BECN1: variants seen among roughly 807,000 people sequenced by gnomAD.
The protein encoded by BECN1 is beclin 1, also known as beclin-1.
In BECN1, 15 loss-of-function variants were observed where a neutral mutation model predicts 60.1. That is an observed-to-expected ratio of 0.25 (90% CI 0.17 to 0.38). The LOEUF is 0.38. Among genes scored for constraint, BECN1 ranks in the 10% least tolerant of loss-of-function variants. The probability of loss-of-function intolerance (pLI) is 1.00; values close to 1 mark genes in which losing one functional copy is unlikely to be tolerated. For missense variants in BECN1, 424 were observed against 548.2 expected (o/e 0.77, Z 2.26); for synonymous variants, 179 against 201.8 (o/e 0.89, Z 0.96).
chr17:42,813,967 G>A lies in BECN1; in HGVS notation c.1022C>T (p.Ser341Phe). The change falls in exon 10 of 12, where the codon TCT becomes TTT. Residue 341 changes from serine to phenylalanine, a missense_variant. Ser to Phe is a radical substitution (Grantham distance 155, BLOSUM62 -2). Coordinates refer to ENST00000590099, the MANE Select transcript of BECN1 (RefSeq NM_001313998.2). ...VPYGNHSYLE[S>F]LTDKSKELPL... The stretch of plus-strand genomic sequence containing the variant: ...GAGTACCTTAGATTTGTCTGTCAGA[G>A]ACTCCAGATATGAATGGTTTCCGTA... 1 of 1,604,352 alleles carries A rather than the reference G, an allele frequency of 6.2e-7. No homozygotes were observed. The highest frequency in any genetic ancestry group is 8.5e-7 in the Non-Finnish European group (1 of 1,173,384).
intron 9 of BECN1, 185 bp downstream of exon 9, chr17:42,814,339 A>T: frequency 1.4e-6 from 1 of 724,156 alleles, no homozygotes; most frequent in Non-Finnish European, 2.2e-6. Flanking sequence ...CAACTCAGTG[A>T]CTGTGTGATC....
At chr17:42,814,157 T>A in intron 9 of BECN1, 149 bp from the exon 10 acceptor site, 1 of 560,452 alleles carries the variant, frequency 1.8e-6, no homozygotes, top group Non-Finnish European at 3.1e-6. Context: ...ATTGAATCCA[T>A]GTTTAAAAGA....
At chr17:42,811,494 C>T in intron 11 of BECN1, 161 bp downstream of exon 11, 3 of 850,108 alleles carry the variant, frequency 3.5e-6, no homozygotes, top group Non-Finnish European at 5.3e-6. Context: ...TTCTGTCCTG[C>T]TTGCAGTACT....
rs760238747 is a variant in BECN1, at chr17:42,811,804, A to G, written c.1042-7T>C. Reference sequence around the variant, plus strand: ...AACAGTATAACGGCAGCTCCTGCCCAAGAAGAGAAAACTGGCTATGGATCT... The same window carrying G: ...AACAGTATAACGGCAGCTCCTGCCCGAGAAGAGAAAACTGGCTATGGATCT... On this transcript the variant is annotated splice_polypyrimidine_tract_variant and splice_region_variant and intron_variant, in intron 10 of 11. Transcript: ENST00000590099. 6.2e-6 allele frequency: 10 copies of G among 1,606,750 alleles called. No individual in the cohort carries two copies. Among genetic ancestry groups the G allele is most frequent in the East Asian group, 4.5e-5 (2 of 44,804 alleles).
chr17:42,823,382 G>C (rs2055312365), intron 2 of BECN1, among the ~76,000 whole-genome samples: 1 of 152,102 alleles, frequency 6.6e-6, no homozygotes, highest in African/African-American at 2.4e-5. Flanking sequence ...AACCTCCCGA[G>C]TAGCTGGGAC....
intron 3 of BECN1, 54 bp from the exon 4 acceptor site, chr17:42,819,663 A>G (rs2055221173): frequency 6.4e-7 from 1 of 1,565,796 alleles, no homozygotes; most frequent in Non-Finnish European, 8.8e-7. Flanking sequence ...GGTAGAGTTC[A>G]TCTCCCAAAC....
At chr17:42,823,996 T>C (rs1219973873) in intron 1 of BECN1, 117 bp from the exon 2 acceptor site, 2 of 1,329,102 alleles carry the variant, frequency 1.5e-6, no homozygotes, top group Non-Finnish European at 2.0e-6. Context: ...ACCTGCGCCG[T>C]TCCCTCTAGG....
intron 8 of BECN1, chr17:42,815,091 C>T (rs560949241): frequency 7.9e-5 from 14 of 177,482 alleles, no homozygotes; most frequent in African/African-American, 3.4e-4. Context: ...TTCACGAATA[C>T]AAGTGTAATT....
chr17:42,816,078 T>C (rs200371540), intron 7 of BECN1, 24 bp from the exon 8 acceptor site: 1 of 1,552,408 alleles, frequency 6.4e-7, no homozygotes, highest in African/African-American at 1.4e-5. Flanking sequence ...AGGGGGCCAT[T>C]GAAGGCTGTT....
chr17:42,819,713 G>T, intron 3 of BECN1, 104 bp from the exon 4 acceptor site: 1 of 1,168,942 alleles, frequency 8.6e-7, no homozygotes, highest in Non-Finnish European at 1.2e-6. Context: ...ATAACCACAA[G>T]ACTTGATAAA....
At chr17:42,823,978 A>T in intron 1 of BECN1, 99 bp from the exon 2 acceptor site, 4 of 1,449,318 alleles carry the variant, frequency 2.8e-6, no homozygotes, top group Non-Finnish European at 3.7e-6. Context: ...AAAGGGAGGG[A>T]AGTCCCAACC....
intron 11 of BECN1, 117 bp from the exon 12 acceptor site, chr17:42,811,045 G>T: frequency 9.1e-7 from 1 of 1,102,606 alleles, no homozygotes; most frequent in East Asian, 2.6e-5. Flanking sequence ...AACACTTGGT[G>T]AGGAATGATA....
At chr17:42,814,725 T>A (rs1567669647) in intron 8 of BECN1, 52 bp from the exon 9 acceptor site, 1 of 1,607,020 alleles carries the variant, frequency 6.2e-7, no homozygotes, top group Admixed American at 1.7e-5. Context: ...ACTTAAAAAG[T>A]TTGACATTTC....
Position 42,818,533 on chromosome 17 carries a change from G to C in BECN1, c.488+11C>G. On this transcript the variant is annotated intron_variant, in intron 6 of 11. Transcript: ENST00000590099. ...GTAACAGCTCTGAGCCCTGGCTCTGGAGACACTCACTTGTAGTTCTGACAC... is the reference window on the plus strand; with the variant it reads ...GTAACAGCTCTGAGCCCTGGCTCTGCAGACACTCACTTGTAGTTCTGACAC... 1 of 1,614,088 alleles carries C rather than the reference G, an allele frequency of 6.2e-7. No individual in the cohort carries two copies. Among genetic ancestry groups the C allele is most frequent in the Non-Finnish European group, 8.5e-7 (1 of 1,179,970 alleles).
chr17:42,811,922 C>T, intron 10 of BECN1, 125 bp from the exon 11 acceptor site: 1 of 1,165,150 alleles, frequency 8.6e-7, no homozygotes, highest in Non-Finnish European at 1.2e-6. Context: ...TGTATTGTAG[C>T]TGGACTCTAT....
In BECN1 at chr17:42,815,970, A is replaced by G. The variant is rs779914892; in HGVS notation, c.768T>C (p.Tyr256=). ...ELKSVENQMR[Y]AQTQLDKLKK... is the part of the protein sequence containing the mutation. ...TCAGCTTATCCAGCTGCGTCTGGGC[A>G]TAACGCATCTGGTTTTCAACACTCT... is the stretch of plus-strand genomic sequence containing the variant. The change falls in exon 8 of 12, where the codon TAT becomes TAC. Residue 256 remains tyrosine (Y), a synonymous_variant. Transcript: ENST00000590099. 7.4e-6 allele frequency: 12 copies of G among 1,614,062 alleles called. No individual in the cohort carries two copies. The highest frequency in any genetic ancestry group is 1.0e-5 in the Non-Finnish European group (12 of 1,179,972).
chr17:42,813,689 G>A (rs143198912), intron 10 of BECN1: 81 of 278,746 alleles, frequency 2.9e-4, no homozygotes, highest in African/African-American at 1.7e-3. Context: ...TCTATCTCAC[G>A]GTGATTCTTT....
At chr17:42,815,430 T>G (rs1050513546) in intron 8 of BECN1, among the ~76,000 whole-genome samples, 2 of 152,176 alleles carry the variant, frequency 1.3e-5, no homozygotes, top group Non-Finnish European at 2.9e-5. Context: ...CTGGATCAAG[T>G]GCCCTTATGT....
intron 8 of BECN1, 39 bp from the exon 9 acceptor site, chr17:42,814,712 ATTAC>A: frequency 6.2e-7 from 1 of 1,611,374 alleles, no homozygotes; most frequent in Non-Finnish European, 8.5e-7. Flanking sequence ...AAATACAGGG[ATTAC>A]TTAAAAAGTT....
Sources: allele counts gnomAD v4.1 joint callset (sites outside exome capture counted in the v4.1 genomes callset), GRCh38; gene constraint gnomAD v4.1.1; transcripts MANE v1.5; gene names NCBI Gene and HGNC (gene_info 2026-07-23, HGNC 2026-07-21).